The following BSPH1 variants were observed in gnomAD, a reference collection of about 807,000 sequenced individuals.
The protein encoded by BSPH1 is binder of sperm 1.
In BSPH1, 21 loss-of-function variants were observed where a neutral mutation model predicts 22.5. That is an observed-to-expected ratio of 0.93 (90% CI 0.66 to 1.35). BSPH1 has a LOEUF of 1.35. Among genes scored for constraint, BSPH1 ranks in the 40% most tolerant of loss-of-function variants. The pLI is 0.00. For missense variants in BSPH1, 141 were observed against 154.2 expected (o/e 0.91, Z 0.45); for synonymous variants, 42 against 53.6 (o/e 0.78, Z 0.95).
At chr19:47,980,892 C>T (rs746122608) in intron 2 of BSPH1, 29 bp downstream of exon 2, 75 of 1,363,104 alleles carry the variant, frequency 5.5e-5, no homozygotes, top group African/African-American at 4.0e-4. Flanking sequence ...TGAAAAGAAA[C>T]GCTAATAAAA....
intron 5 of BSPH1, among the ~76,000 whole-genome samples, chr19:47,970,438 TC>T (rs1055410447): frequency 4.6e-5 from 7 of 152,156 alleles, no homozygotes; most frequent in Admixed American, 4.6e-4. Context: ...CCTATTTCTG[TC>T]CCAACATTGT....
intron 1 of BSPH1, among the ~76,000 whole-genome samples, chr19:47,983,988 C>T (rs1568398436): frequency 1.3e-5 from 2 of 151,404 alleles, no homozygotes; most frequent in East Asian, 1.9e-4. Flanking sequence ...AGGTGTGCAC[C>T]ACCACCTGTA....
chr19:47,972,856 TCCCCAC>T (rs970933619), intron 5 of BSPH1, among the ~76,000 whole-genome samples: 5 of 150,786 alleles, frequency 3.3e-5, no homozygotes, highest in African/African-American at 9.8e-5. Context: ...CACACACACA[TCCCCAC>T]CCCCACCCCC....
At chr19:47,980,258 T>C (rs1290158264) in intron 2 of BSPH1, among the ~76,000 whole-genome samples, 1 of 152,044 alleles carries the variant, frequency 6.6e-6, no homozygotes, top group East Asian at 1.9e-4. Context: ...AAATTGGCTT[T>C]ATAATATCAA....
At chr19:47,973,123 A>G (rs1969326111) in intron 5 of BSPH1, among the ~76,000 whole-genome samples, 2 of 151,548 alleles carry the variant, frequency 1.3e-5, no homozygotes, top group South Asian at 4.2e-4. Context: ...AGGCTGAGGC[A>G]GGAGAATGGT....
intron 5 of BSPH1, among the ~76,000 whole-genome samples, chr19:47,969,687 GA>G (rs1568394431): frequency 7.0e-5 from 3 of 43,130 alleles, no homozygotes; most frequent in African/African-American, 1.2e-4. Context: ...GAGAGGGGGA[GA>G]GAGAGAGAGA....
chr19:47,973,172 G>A (rs966567548), intron 5 of BSPH1, among the ~76,000 whole-genome samples: 11 of 150,790 alleles, frequency 7.3e-5, no homozygotes, highest in East Asian at 1.9e-4. Flanking sequence ...AGCCGAGATC[G>A]CGCCACTGCA....
At chr19:47,979,861 A>G (rs960494124) in intron 2 of BSPH1, among the ~76,000 whole-genome samples, 10 of 152,160 alleles carry the variant, frequency 6.6e-5, no homozygotes, top group African/African-American at 2.2e-4. Context: ...TTTTTTGGTC[A>G]CTGATGTTAA....
At chr19:47,983,570 G>A (rs1260370066) in intron 1 of BSPH1, among the ~76,000 whole-genome samples, 2 of 152,016 alleles carry the variant, frequency 1.3e-5, no homozygotes, top group Admixed American at 1.3e-4. Flanking sequence ...CACCATCCTC[G>A]GTGCTATAAA....
At chr19:47,983,924 C>T (rs1351292737) in intron 1 of BSPH1, among the ~76,000 whole-genome samples, 1 of 151,162 alleles carries the variant, frequency 6.6e-6, no homozygotes, top group Non-Finnish European at 1.5e-5. Flanking sequence ...GCAACCTCTG[C>T]CTCCTGGGTT....
chr19:47,989,378 T>TCA (rs1969502053), intron 1 of BSPH1, among the ~76,000 whole-genome samples: 4 of 151,962 alleles, frequency 2.6e-5, no homozygotes, highest in African/African-American at 9.7e-5. Flanking sequence ...ACTCCTGACC[T>TCA]TGTGATCCGC....
downstream of BSPH1, chr19:47,968,031 C>T (rs1345217565): frequency 6.6e-6 from 1 of 152,136 alleles, no homozygotes; most frequent in African/African-American, 2.4e-5. Context: ...CAAAGATTTC[C>T]CTTTTGCTAG....
chr19:47,978,001 G>GAGATATATAT (rs376259844), intron 3 of BSPH1, among the ~76,000 whole-genome samples: 14 of 110,450 alleles, frequency 1.3e-4, no homozygotes, highest in Admixed American at 9.4e-5. Flanking sequence ...GTTAATACAG[G>GAGATATATAT]ATATATATAT....
At chr19:47,975,316 C>T (rs1969351261) in intron 5 of BSPH1, among the ~76,000 whole-genome samples, 1 of 152,206 alleles carries the variant, frequency 6.6e-6, no homozygotes, top group African/African-American at 2.4e-5. Context: ...CAGGCGTCAG[C>T]CACCGCTCCT....
chr19:47,991,561 T>TCCG (rs1364389106), intron 1 of BSPH1, among the ~76,000 whole-genome samples: 2 of 12,770 alleles, frequency 1.6e-4, no homozygotes, highest in Non-Finnish European at 3.0e-4. Flanking sequence ...CTCCCGGTCA[T>TCCG]CCTCCTCCTC....
chr19:47,970,747 G>A (rs938302589), intron 5 of BSPH1, among the ~76,000 whole-genome samples: 3 of 152,188 alleles, frequency 2.0e-5, no homozygotes, highest in Non-Finnish European at 2.9e-5. Context: ...ACCTGTTCAT[G>A]TGCCGTGATG....
chr19:47,970,691 C>T (rs1291302891), intron 5 of BSPH1, among the ~76,000 whole-genome samples: 1 of 152,176 alleles, frequency 6.6e-6, no homozygotes, highest in Non-Finnish European at 1.5e-5. Context: ...CCCTTCTCCT[C>T]TTCCTACCAT....
intron 1 of BSPH1, among the ~76,000 whole-genome samples, chr19:47,988,644 G>A (rs992686283): frequency 8.6e-5 from 13 of 151,966 alleles, no homozygotes; most frequent in Non-Finnish European, 1.2e-4. Flanking sequence ...TAGCACAAAC[G>A]TTTGTTGACA....
At chr19:47,970,908 T>A (rs1969305865) in intron 5 of BSPH1, among the ~76,000 whole-genome samples, 1 of 152,164 alleles carries the variant, frequency 6.6e-6, no homozygotes, top group South Asian at 2.1e-4. Context: ...AGAGCCGAAC[T>A]AAGCCTAAAT....
Sources: allele counts gnomAD v4.1 joint callset (sites outside exome capture counted in the v4.1 genomes callset), GRCh38; gene constraint gnomAD v4.1.1; transcripts MANE v1.5; gene names NCBI Gene and HGNC (gene_info 2026-07-23, HGNC 2026-07-21).